The following FAM120A variants were observed in gnomAD, a reference collection of about 807,000 sequenced individuals.
FAM120A encodes constitutive coactivator of PPAR-gamma-like protein 1.
A neutral mutation model predicts 109.7 loss-of-function variants in FAM120A; 15 were observed. The ratio of observed to expected loss-of-function variants is 0.14; its 90% CI spans 0.09 to 0.21. FAM120A has a LOEUF of 0.21. FAM120A is among the 10% of genes least tolerant of loss of function. The pLI is 1.00. For synonymous variants in FAM120A, 493 were observed against 572.8 expected (o/e 0.86, Z 1.99); for missense variants, 899 against 1,439.3 (o/e 0.62, Z 6.07).
intron 7 of FAM120A, among the ~76,000 whole-genome samples, chr9:93,525,813 AGATTGTGCAT>A (rs1258488260): frequency 6.6e-6 from 1 of 152,196 alleles, no homozygotes; most frequent in East Asian, 1.9e-4. Context: ...TTGCAGGCAG[AGATTGTGCAT>A]GAGCAGTGGT....
chr9:93,564,052 T>G (rs750799799), intron 17 of FAM120A, among the ~76,000 whole-genome samples, 177 bp from the exon 18 acceptor site: 2 of 151,890 alleles, frequency 1.3e-5, no homozygotes, highest in Non-Finnish European at 2.9e-5. Context: ...GGGAACTGAC[T>G]GAGACAGGTA....
chr9:93,561,189 G>A lies in FAM120A; in HGVS notation c.2887G>A (p.Gly963Ser). ...VVGHWAGSRR[G>S]RGGRGPFPLQ... ...TGGCCATTGGGCTGGGAGCAGGCGG[G>A]GCCGTGGGGGCCGGGGGCCTTTCCC... The change falls in exon 16 of 18, where the codon GGC becomes AGC. Residue 963 changes from glycine to serine, a missense_variant. By Grantham distance (56) the Gly-to-Ser change is moderately conservative. Transcript: ENST00000277165. 6.2e-7 allele frequency: 1 copy of A among 1,613,836 alleles called. No homozygotes were observed. The highest frequency in any genetic ancestry group is 8.5e-7 in the Non-Finnish European group (1 of 1,179,994).
At chr9:93,491,156 T>G (rs1308423772) in intron 3 of FAM120A, among the ~76,000 whole-genome samples, 1 of 152,158 alleles carries the variant, frequency 6.6e-6, no homozygotes, top group African/African-American at 2.4e-5. Context: ...CACCACCCAT[T>G]TGGGGAACAG....
chr9:93,468,429 T>A (rs1858152618), intron 1 of FAM120A, among the ~76,000 whole-genome samples: 1 of 152,164 alleles, frequency 6.6e-6, no homozygotes, highest in Non-Finnish European at 1.5e-5. Context: ...AGAACGGTAG[T>A]TTGTCCAAAG....
At chr9:93,561,456 A>G (rs1213747328) in intron 16 of FAM120A, among the ~76,000 whole-genome samples, 4 of 152,122 alleles carry the variant, frequency 2.6e-5, no homozygotes, top group African/African-American at 4.8e-5. Context: ...GTGCAGTGGC[A>G]CAATCACAGT....
intron 10 of FAM120A, among the ~76,000 whole-genome samples, chr9:93,541,686 T>G (rs979588474): frequency 6.6e-6 from 1 of 152,154 alleles, no homozygotes; most frequent in African/African-American, 2.4e-5. Flanking sequence ...AACATTTTTG[T>G]AAAAGGAAAA....
In FAM120A at chr9:93,522,624, T is replaced by C. The variant is rs572094641; in HGVS notation, c.1419-4531T>C. Among the ~76,000 whole-genome samples the C allele has an allele frequency of 3.2e-4, 48 of 152,358 alleles. 1 individual carries two copies. In the South Asian group the frequency reaches 9.9e-3, roughly 32 times the overall value. On this transcript the variant is annotated intron_variant, in intron 7 of 17. Coordinates refer to ENST00000277165, the MANE Select transcript of FAM120A (RefSeq NM_014612.5). ...TTAAATGGATATGTAAAAGTCCTTA[T>C]TGAGAGAGAAGACTGAGTTTTTTTC...
At chr9:93,455,228 C>T (rs1056521219) in intron 1 of FAM120A, among the ~76,000 whole-genome samples, 1 of 152,182 alleles carries the variant, frequency 6.6e-6, no homozygotes, top group Admixed American at 6.5e-5. Flanking sequence ...GTGTAGGTAA[C>T]AACTTGCATG....
intron 3 of FAM120A, among the ~76,000 whole-genome samples, chr9:93,486,053 A>G (rs1489084236): frequency 6.6e-6 from 1 of 152,150 alleles, no homozygotes; most frequent in African/African-American, 2.4e-5. Context: ...GCTGACTGTA[A>G]CTTTGAACTT....
chr9:93,530,234 G>A (rs985642525), intron 9 of FAM120A: 1 of 152,354 alleles, frequency 6.6e-6, no homozygotes, highest in Non-Finnish European at 1.5e-5. Context: ...TGTCTCAAAT[G>A]TATCTATGTG....
intron 3 of FAM120A, among the ~76,000 whole-genome samples, chr9:93,492,567 G>T (rs887362624): frequency 1.3e-5 from 2 of 152,100 alleles, no homozygotes; most frequent in Non-Finnish European, 2.9e-5. Context: ...TAAAGAAGAC[G>T]TCAGGGAGCT....
rs143059034 is a variant in FAM120A, at chr9:93,561,170, T to C, written c.2868T>C (p.His956=). The change falls in exon 16 of 18, where the codon CAT becomes CAC. Residue 956 remains histidine (H), a synonymous_variant. Coordinates refer to ENST00000277165, the MANE Select transcript of FAM120A (RefSeq NM_014612.5). ...KLEIAGTVVG[H]WAGSRRGRGG... ...AAATAGCTGGCACTGTGGTTGGCCA[T>C]TGGGCTGGGAGCAGGCGGGGCCGTG... 2.4e-4 allele frequency: 393 copies of C among 1,613,932 alleles called. No homozygotes were observed. The highest frequency in any genetic ancestry group is 9.9e-4 in the South Asian group (90 of 91,070).
intron 7 of FAM120A, chr9:93,523,479 G>T (rs891456619): frequency 2.7e-6 from 1 of 364,320 alleles, no homozygotes; most frequent in Non-Finnish European, 4.9e-6. Flanking sequence ...TTGACACATG[G>T]TACCATTTCT....
chr9:93,520,763 A>C (rs1341090771), intron 7 of FAM120A, among the ~76,000 whole-genome samples: 2 of 152,214 alleles, frequency 1.3e-5, no homozygotes, highest in African/African-American at 4.8e-5. Context: ...AGCCTCATAC[A>C]CACTACAGAA....
At chr9:93,511,254 CCTT>C (rs1474034153) in intron 5 of FAM120A, among the ~76,000 whole-genome samples, 1 of 152,196 alleles carries the variant, frequency 6.6e-6, no homozygotes, top group Non-Finnish European at 1.5e-5. Context: ...GGTTTTGCCT[CCTT>C]CTGTCACCAG....
chr9:93,453,824 G>A (rs890198552), intron 1 of FAM120A, among the ~76,000 whole-genome samples: 1 of 152,184 alleles, frequency 6.6e-6, no homozygotes, highest in Non-Finnish European at 1.5e-5. Context: ...CTCCCTAATA[G>A]AGCGTAAAAG....
In FAM120A at chr9:93,565,157, C is replaced by A. The variant is rs750623152; in HGVS notation, c.*617C>A. 1 of 152,162 alleles carries A rather than the reference C, an allele frequency of 6.6e-6. No homozygotes were observed. The highest frequency in any genetic ancestry group is 2.4e-5 in the African/African-American group (1 of 41,342). The allele number at this position is 152,162 out of a possible 1,614,324, so 9.4% of individuals were successfully genotyped here. On this transcript the variant is annotated 3_prime_UTR_variant, in exon 18 of 18. Transcript: ENST00000277165. ...TGCTGATTTTAAATATACAATACAT[C>A]ATACATACTTTACAAGCAAGTTAAA...
rs1861367282 is a variant in FAM120A, at chr9:93,532,529, A to G, written c.1909+200A>G. 4 of 589,630 alleles carry G rather than the reference A, an allele frequency of 6.8e-6. No individual in the cohort carries two copies. The highest frequency in any genetic ancestry group is 3.0e-5 in the Admixed American group (1 of 33,268). 36.5% of individuals were successfully genotyped at this position (589,630 alleles called of 1,614,324 possible). The stretch of plus-strand genomic sequence containing the variant: ...AAGCCACAGACTTTCTTCCTCAGTA[A>G]CATTCCAATAATGATGTTTATTCAG... On this transcript the variant is annotated intron_variant, in intron 10 of 17. Coordinates refer to ENST00000277165, the MANE Select transcript of FAM120A (RefSeq NM_014612.5). This position sits in a 1 kb window ranked among gnomAD's most constrained non-coding sequence, Gnocchi z 4.3.
Position 93,532,113 on chromosome 9 carries a change from A to G in FAM120A, c.1735-42A>G, listed in dbSNP as rs1861352279. 3 of 1,578,162 alleles carry G rather than the reference A, an allele frequency of 1.9e-6. No individual in the cohort carries two copies. Among genetic ancestry groups the G allele is most frequent in the African/African-American group, 1.4e-5 (1 of 73,888 alleles). ...TCTGTGAGTGTATTGTAAATTCAAC[A>G]TGAAAAATGTGCAATGTTATTCTGC... On this transcript the variant is annotated intron_variant, in intron 9 of 17. Coordinates refer to ENST00000277165, the MANE Select transcript of FAM120A (RefSeq NM_014612.5). This position sits in a 1 kb window ranked among gnomAD's most constrained non-coding sequence, Gnocchi z 4.3.
Sources: allele counts gnomAD v4.1 joint callset (sites outside exome capture counted in the v4.1 genomes callset), GRCh38; gene constraint gnomAD v4.1.1; non-coding constraint Gnocchi (gnomAD v3.1); transcripts MANE v1.5; gene names NCBI Gene and HGNC (gene_info 2026-07-23, HGNC 2026-07-21).